The following NOS3 variants were observed in gnomAD, a reference collection of about 807,000 sequenced individuals.
NOS3 encodes the protein NOS type III.
In NOS3, 98 loss-of-function variants were observed where a neutral mutation model predicts 144.9. The ratio of observed to expected loss-of-function variants is 0.68; its 90% CI spans 0.57 to 0.80. The LOEUF is 0.80. NOS3 is among the 30% of genes least tolerant of loss of function. NOS3 has a pLI of 0.00. For synonymous variants in NOS3, 714 were observed against 702.4 expected, an observed-to-expected ratio of 1.02 and a Z score of -0.26; for missense variants, 1,465 against 1,656.4, an observed-to-expected ratio of 0.88 and a Z score of 2.01.
intron 5 of NOS3, among the ~76,000 whole-genome samples, chr7:150,997,407 C>T (rs1008720895): frequency 9.2e-5 from 14 of 152,232 alleles, no homozygotes; most frequent in Admixed American, 3.3e-4. Flanking sequence ...AGGCTTCTCC[C>T]GCCAGGCCAG....
At chr7:150,994,620 A>G (rs1391284067) in intron 2 of NOS3, among the ~76,000 whole-genome samples, 1 of 152,168 alleles carries the variant, frequency 6.6e-6, no homozygotes, top group Non-Finnish European at 1.5e-5. Context: ...GTGGGGTGCC[A>G]GGCCGGGGGC....
chr7:150,996,930 G>C lies in NOS3; in HGVS notation c.582+5G>C, dbSNP rs766683932. ...ATCCAGTGGGGGAAGCTGCAGGTGC[G>C]GCTGGCCAGCGACTGAGAGACCCGG... On this transcript the variant is annotated splice_donor_5th_base_variant and intron_variant, in intron 5 of 26. Transcript: ENST00000297494. The C allele has an allele frequency of 1.3e-6, 2 of 1,558,038 alleles. No homozygotes were observed. The highest frequency in any genetic ancestry group is 8.7e-7 in the Non-Finnish European group (1 of 1,151,914).
rs757138786 is a variant in NOS3 at position 150,998,582 on chromosome 7, G to C, written c.718G>C (p.Asp240His). The C allele has an allele frequency of 6.2e-7, 1 of 1,609,098 alleles. No homozygotes were observed. The highest frequency in any genetic ancestry group is 8.5e-7 in the Non-Finnish European group (1 of 1,178,710). Reference protein sequence around the residue: ...VFPQRCPGRGDFRIWNSQLVR... With the variant: ...VFPQRCPGRGHFRIWNSQLVR... ...CCCGCAGCGCTGCCCTGGCCGAGGA[G>C]ACTTCCGAATCTGGAACAGCCAGCT... is the stretch of plus-strand genomic sequence containing the variant. Residue 240 changes from aspartate to histidine, a missense_variant, in exon 7 of 27, where the codon GAC becomes CAC. This residue lies in a region of NOS3 where 374 missense variants were observed against 377.0 expected (regional missense o/e 0.99). Transcript: ENST00000297494. The surrounding 1 kb of genome is among the most constrained non-coding windows in gnomAD (Gnocchi z 5.0).
chr7:150,997,505 C>A lies in NOS3; in HGVS notation c.582+580C>A, dbSNP rs558819207. ...TCCCTCACACCCCAGCCCACAGACT[C>A]GGGGCTGGCCTTAGTTACTGGAACG... On this transcript the variant is annotated intron_variant, in intron 5 of 26. Coordinates refer to ENST00000297494, the MANE Select transcript of NOS3 (RefSeq NM_000603.5). Among the ~76,000 whole-genome samples the A allele has an allele frequency of 3.3e-5, 5 of 152,260 alleles. No homozygotes were observed. The East Asian group carries it at 7.7e-4, about 24-fold the overall frequency.
chr7:151,002,167 C>G lies in NOS3; in HGVS notation c.1648-33C>G. ...AGGAGGGCAGGGCCTCCGGGGGCCACAGCACCCAGGACATCTGTCTTCCCA... is the reference window on the plus strand; with the variant it reads ...AGGAGGGCAGGGCCTCCGGGGGCCAGAGCACCCAGGACATCTGTCTTCCCA... On this transcript the variant is annotated intron_variant, in intron 13 of 26. Coordinates refer to ENST00000297494, the MANE Select transcript of NOS3 (RefSeq NM_000603.5). The surrounding 1 kb of genome is among the most constrained non-coding windows in gnomAD (Gnocchi z 4.1). 1 of 1,482,574 alleles carries G rather than the reference C, an allele frequency of 6.7e-7. No homozygotes were observed. The allele number at this position is 1,482,574 out of a possible 1,614,324, so 91.8% of individuals were successfully genotyped here.
intron 1 of NOS3, among the ~76,000 whole-genome samples, chr7:150,992,145 T>C (rs1802267660): frequency 1.4e-5 from 1 of 71,458 alleles, no homozygotes; most frequent in Non-Finnish European, 2.3e-5. Flanking sequence ...CAAGACTCTG[T>C]CTAAAAAAAA....
intron 10 of NOS3, 86 bp from the exon 11 acceptor site, chr7:151,001,145 G>A (rs28763995): frequency 2.9e-6 from 4 of 1,376,140 alleles, no homozygotes; most frequent in Non-Finnish European, 4.1e-6. Flanking sequence ...GGGCACATGT[G>A]GTTTGGGGTG....
intron 24 of NOS3, 86 bp downstream of exon 24, chr7:151,012,558 A>G: frequency 2.0e-6 from 3 of 1,474,396 alleles, no homozygotes; most frequent in Non-Finnish European, 2.8e-6. Flanking sequence ...GAAATAGGAA[A>G]GAGAGGGCAG....
chr7:151,001,305 G>A lies in NOS3; in HGVS notation c.1308G>A (p.Lys436=). ...SFMKHLENEQ[K]ARGGCPADWA... ...TGAAGCACCTGGAGAATGAGCAGAA[G>A]GCCAGGGGGGGCTGCCCTGCAGACT... Residue 436 remains lysine (K), a synonymous_variant, in exon 11 of 27, where the codon AAG becomes AAA. Transcript: ENST00000297494. The A allele has an allele frequency of 5.6e-6, 9 of 1,613,824 alleles. No homozygotes were observed. Among genetic ancestry groups the A allele is most frequent in the Middle Eastern group, 1.7e-4 (1 of 6,058 alleles).
Position 150,998,805 on chromosome 7 carries a change from CA to C in NOS3, c.816+128del. ...CGGTGAGATAAAGGATGAAAAACAC[CA>C]AAGGAGGGGTGCCTGGGTGGTCACG... On this transcript the variant is annotated intron_variant, in intron 7 of 26. Transcript: ENST00000297494. This position sits in a 1 kb window ranked among gnomAD's most constrained non-coding sequence, Gnocchi z 5.0. The C allele has an allele frequency of 6.8e-7, 1 of 1,460,626 alleles. No individual in the cohort carries two copies. The highest frequency in any genetic ancestry group is 1.4e-5 in the African/African-American group (1 of 71,098). 90.5% of individuals were successfully genotyped at this position (1,460,626 alleles called of 1,614,324 possible).
intron 23 of NOS3, 93 bp from the exon 24 acceptor site, chr7:151,012,258 A>T: frequency 9.9e-7 from 1 of 1,011,334 alleles, no homozygotes; most frequent in Non-Finnish European, 1.3e-6. Context: ...AGATGGGAAG[A>T]ACTTGGGTCC....
In NOS3 at chr7:151,005,708, C is replaced by G. The variant is rs555468653; in HGVS notation, c.1753-719C>G. On this transcript the variant is annotated intron_variant, in intron 14 of 26. Coordinates refer to ENST00000297494, the MANE Select transcript of NOS3 (RefSeq NM_000603.5). Reference sequence around the variant, plus strand: ...CGTACAAGGGCGTTTGAGAGAGCACCTGTTCCCAGACCACCGAGCTGCCCT... The same window carrying G: ...CGTACAAGGGCGTTTGAGAGAGCACGTGTTCCCAGACCACCGAGCTGCCCT... 1.2e-4 allele frequency among the ~76,000 whole-genome samples: 19 copies of G among 152,122 alleles called. No homozygotes were observed. The South Asian group carries it at 4.0e-3, about 32-fold the overall frequency.
rs199798957 is a variant in NOS3, at chr7:151,006,958, G to A, written c.1890G>A (p.Arg630=). 1.1e-5 allele frequency: 17 copies of A among 1,614,170 alleles called. No individual in the cohort carries two copies. In the East Asian group the frequency reaches 2.7e-4, roughly 25 times the overall value. Residue 630 remains arginine (R), a synonymous_variant, in exon 16 of 27, where the codon AGG becomes AGA. Coordinates refer to ENST00000297494, the MANE Select transcript of NOS3 (RefSeq NM_000603.5). The part of the protein sequence containing the change: ...DPLVSSWRRK[R]KESSNTDSAG... ...TGGTGTCCTCTTGGCGGCGGAAGAG[G>A]AAGGAGTCCAGTAACACAGACAGTG... is the stretch of plus-strand genomic sequence containing the variant.
Position 151,010,944 on chromosome 7 carries a change from G to A in NOS3, c.2942G>A (p.Ser981Asn). The part of the protein sequence containing the change: ...LHYGVCSTWL[S>N]QLKPGDPVPC... ...TATGGAGTCTGCTCCACGTGGCTAA[G>A]CCAGCTCAAGCCCGGAGACCCTGTG... The change falls in exon 23 of 27, where the codon AGC (serine) becomes AAC (asparagine). Residue 981 changes from serine (S) to asparagine (N), a missense_variant. Physicochemically the swap from Ser to Asn is conservative, Grantham distance 46 (BLOSUM62 1). This residue lies in a region of NOS3 where 106 missense variants were observed against 167.7 expected (regional missense o/e 0.63). Coordinates refer to ENST00000297494, the MANE Select transcript of NOS3 (RefSeq NM_000603.5). 1.9e-6 allele frequency: 3 copies of A among 1,613,996 alleles called. No homozygotes were observed. The highest frequency in any genetic ancestry group is 2.5e-6 in the Non-Finnish European group (3 of 1,179,968).
At chr7:151,004,162 C>A (rs1055438958) in intron 14 of NOS3, among the ~76,000 whole-genome samples, 11 of 152,294 alleles carry the variant, frequency 7.2e-5, no homozygotes, top group Admixed American at 2.6e-4. Flanking sequence ...CATGGCAAAA[C>A]CCTGTCTCTA....
chr7:151,014,092 T>C lies in NOS3; in HGVS notation c.3535T>C (p.Ser1179Pro), dbSNP rs772315573. 1.8e-5 allele frequency: 29 copies of C among 1,613,836 alleles called. No individual in the cohort carries two copies. In the South Asian group the frequency reaches 3.2e-4, roughly 18 times the overall value. ...VTSRIRTQSF[S>P]LQERQLRGAV... ...AAGCCGCATACGCACCCAGAGCTTT[T>C]CCTTGCAGGAGCGTCAGTTGCGGGG... Residue 1179 changes from serine (S) to proline (P), a missense_variant, in exon 27 of 27, where the codon TCC becomes CCC. Coordinates refer to ENST00000297494, the MANE Select transcript of NOS3 (RefSeq NM_000603.5).
rs865924814 is a variant in NOS3, at chr7:150,992,575, C to T, written c.-51-1178C>T. 7.0e-4 allele frequency among the ~76,000 whole-genome samples: 106 copies of T among 152,336 alleles called. 1 individual carries two copies. Among genetic ancestry groups the T allele is most frequent in the Middle Eastern group, 6.8e-3 (2 of 294 alleles). On this transcript the variant is annotated intron_variant, in intron 1 of 26. Coordinates refer to ENST00000297494, the MANE Select transcript of NOS3 (RefSeq NM_000603.5). ...GCAGACCCCACCTTCTTGGTGTGAC[C>T]CCAGAGCTCTGAGCACAGCCCGTTC...
rs1795281233 is a variant in NOS3 at position 151,010,510 on chromosome 7, A to T, written c.2686-87A>T. On this transcript the variant is annotated intron_variant, in intron 21 of 26. Transcript: ENST00000297494. The stretch of plus-strand genomic sequence containing the variant: ...CCTGAACTGAGCAGGGAGAAACCCT[A>T]AAGAGGCTCAGTGGGGGAGGGGTCA... The T allele has an allele frequency of 2.2e-6, 3 of 1,334,588 alleles. No homozygotes were observed. In the South Asian group the frequency reaches 4.4e-5, roughly 19 times the overall value. The allele number at this position is 1,334,588 out of a possible 1,614,324, so 82.7% of individuals were successfully genotyped here.
Position 150,998,698 on chromosome 7 carries a change from C to T in NOS3, c.816+18C>T, listed in dbSNP as rs1802494428. On this transcript the variant is annotated intron_variant, in intron 7 of 26. Transcript: ENST00000297494. This position sits in a 1 kb window ranked among gnomAD's most constrained non-coding sequence, Gnocchi z 5.0. The stretch of plus-strand genomic sequence containing the variant: ...TCACCGAGGTGGGCACCGAGGGCCA[C>T]CCATGAGGGTGTCCCCAAGGTGGAG... The T allele has an allele frequency of 1.9e-6, 3 of 1,596,068 alleles. No individual in the cohort carries two copies. Among genetic ancestry groups the T allele is most frequent in the Non-Finnish European group, 1.7e-6 (2 of 1,172,678 alleles).
Sources: allele counts gnomAD v4.1 joint callset (sites outside exome capture counted in the v4.1 genomes callset), GRCh38; gene constraint gnomAD v4.1.1; regional missense constraint gnomAD v4.1.1; non-coding constraint Gnocchi (gnomAD v3.1); transcripts MANE v1.5; gene names NCBI Gene and HGNC (gene_info 2026-07-23, HGNC 2026-07-21).